FNBP1: variants seen among roughly 807,000 people sequenced by gnomAD.
FNBP1 encodes formin-binding protein 1.
In FNBP1, 26 loss-of-function variants were observed where a neutral mutation model predicts 90.6. That is an observed-to-expected ratio of 0.29 (90% CI 0.21 to 0.40). The LOEUF (loss-of-function observed/expected upper bound fraction) is 0.40, where lower values mean the gene tolerates loss of function less well. Among genes scored for constraint, FNBP1 ranks in the 10% least tolerant of loss-of-function variants. The pLI is 1.00. For missense variants in FNBP1, 635 were observed against 768.0 expected (o/e 0.83, Z 2.05); for synonymous variants, 260 against 265.2 (o/e 0.98, Z 0.19).
intron 6 of FNBP1, among the ~76,000 whole-genome samples, chr9:129,933,163 A>G (rs2042999548): frequency 6.6e-6 from 1 of 152,170 alleles, no homozygotes; most frequent in Non-Finnish European, 1.5e-5. Flanking sequence ...ATAACTTAAG[A>G]TCTCAAACAG....
intron 4 of FNBP1, among the ~76,000 whole-genome samples, chr9:129,976,876 A>G (rs180949022): frequency 1.3e-5 from 2 of 151,510 alleles, no homozygotes; most frequent in Admixed American, 1.3e-4. Flanking sequence ...CATTAAAAGA[A>G]CTGTTGTGGC....
At chr9:129,906,480 G>A (rs2038079989) in intron 12 of FNBP1, among the ~76,000 whole-genome samples, 1 of 152,078 alleles carries the variant, frequency 6.6e-6, no homozygotes, top group Non-Finnish European at 1.5e-5. Flanking sequence ...GTAATAGTGA[G>A]TCTTATGAGC....
chr9:129,946,014 A>G (rs2045223053), intron 6 of FNBP1, among the ~76,000 whole-genome samples: 1 of 152,090 alleles, frequency 6.6e-6, no homozygotes, highest in African/African-American at 2.4e-5. Flanking sequence ...CTAAAAATAC[A>G]AAAAATTAGC....
At chr9:129,934,312 A>G (rs1046143702) in intron 6 of FNBP1, among the ~76,000 whole-genome samples, 5 of 152,208 alleles carry the variant, frequency 3.3e-5, no homozygotes, top group African/African-American at 1.2e-4. Context: ...CAGGGCAGAA[A>G]GATGTACAGA....
At chr9:130,009,978 C>CA (rs68122821) in intron 1 of FNBP1, among the ~76,000 whole-genome samples, 3,031 of 69,560 alleles carry the variant, frequency 0.044, 92 homozygotes, top group African/African-American at 0.1. Context: ...GACCCAGTCT[C>CA]AAAAAAAAAA....
chr9:129,969,779 A>G (rs2049159864), intron 4 of FNBP1, among the ~76,000 whole-genome samples: 1 of 152,036 alleles, frequency 6.6e-6, no homozygotes, highest in Admixed American at 6.6e-5. Context: ...TTTAAATCTA[A>G]AAACAAAAAC....
At chr9:129,974,923 A>C (rs1285090406) in intron 4 of FNBP1, among the ~76,000 whole-genome samples, 1 of 151,934 alleles carries the variant, frequency 6.6e-6, no homozygotes, top group East Asian at 1.9e-4. Flanking sequence ...CATTATATTA[A>C]AATAGTACAA....
intron 1 of FNBP1, among the ~76,000 whole-genome samples, chr9:130,003,192 C>T (rs761895294): frequency 6.6e-6 from 1 of 152,014 alleles, no homozygotes; most frequent in Non-Finnish European, 1.5e-5. Flanking sequence ...GCACACGTGG[C>T]TCACACCTGT....
In FNBP1 at chr9:129,983,584, G is replaced by C. The variant is rs921007772; in HGVS notation, c.141-4210C>G. On this transcript the variant is annotated intron_variant, in intron 2 of 16. Transcript: ENST00000446176. ...GCCTGTAATCCCAGCACTTTGGGAGGCCGAGGCAGGTGGATCGGGAGTTCG... is the reference window on the plus strand; with the variant it reads ...GCCTGTAATCCCAGCACTTTGGGAGCCCGAGGCAGGTGGATCGGGAGTTCG... 5.9e-5 allele frequency among the ~76,000 whole-genome samples: 9 copies of C among 152,288 alleles called. 1 individual carries two copies. Among genetic ancestry groups the C allele is most frequent in the Admixed American group, 5.9e-4 (9 of 15,284 alleles).
At chr9:130,008,523 C>G (rs1322801207) in intron 1 of FNBP1, among the ~76,000 whole-genome samples, 1 of 152,130 alleles carries the variant, frequency 6.6e-6, no homozygotes, top group African/African-American at 2.4e-5. Flanking sequence ...TGCATCAACA[C>G]TGATGAAAGA....
At chr9:129,971,408 T>C (rs2133252904) in intron 4 of FNBP1, among the ~76,000 whole-genome samples, 1 of 152,286 alleles carries the variant, frequency 6.6e-6, no homozygotes, top group African/African-American at 2.4e-5. Context: ...TGTTTTTTTT[T>C]AAGACAGAGT....
chr9:129,999,551 T>TCC (rs2054521997), intron 1 of FNBP1, among the ~76,000 whole-genome samples: 1 of 150,408 alleles, frequency 6.6e-6, no homozygotes, highest in Non-Finnish European at 1.5e-5. Context: ...TGAGTGGAAA[T>TCC]CGCACCACTG....
At chr9:129,893,392 C>G (rs1167547122) in intron 16 of FNBP1, among the ~76,000 whole-genome samples, 2 of 147,286 alleles carry the variant, frequency 1.4e-5, no homozygotes, top group Non-Finnish European at 1.5e-5. Context: ...CACTTGAGCC[C>G]AAGAGTTTGA....
At chr9:129,963,454 G>C (rs537283656) in intron 4 of FNBP1, among the ~76,000 whole-genome samples, 1 of 151,880 alleles carries the variant, frequency 6.6e-6, no homozygotes, top group African/African-American at 2.4e-5. Context: ...TTTAAGGCAC[G>C]GTGTGCACCT....
At chr9:130,024,724 TC>T (rs2131999920) in intron 1 of FNBP1, among the ~76,000 whole-genome samples, 1 of 152,296 alleles carries the variant, frequency 6.6e-6, no homozygotes, top group Admixed American at 6.5e-5. Flanking sequence ...CATCGTATCA[TC>T]CTGTTTTTCA....
At chr9:129,952,973 G>C (rs908949926) in intron 6 of FNBP1, among the ~76,000 whole-genome samples, 2 of 152,142 alleles carry the variant, frequency 1.3e-5, no homozygotes, top group Non-Finnish European at 2.9e-5. Context: ...ATTTTTCTCA[G>C]AAAGTGTTAG....
chr9:129,965,708 G>GCA (rs5900877), intron 4 of FNBP1, among the ~76,000 whole-genome samples: 77,096 of 145,332 alleles, frequency 0.53, 20,903 homozygotes, highest in East Asian at 0.69. Context: ...GCGCGCGCGC[G>GCA]CACACACACA....
Position 129,929,615 on chromosome 9 carries a change from G to A in FNBP1, c.594C>T (p.Asn198=), listed in dbSNP as rs1373103213. The A allele has an allele frequency of 6.2e-7, 1 of 1,613,596 alleles. No individual in the cohort carries two copies. The highest frequency in any genetic ancestry group is 1.3e-5 in the African/African-American group (1 of 74,908). The change falls in exon 7 of 17, where the codon AAC becomes AAT. Residue 198 remains asparagine, a synonymous_variant. Transcript: ENST00000446176. ...ADYSSILQKF[N]HEQHEYYHTH... is the part of the protein sequence containing the mutation. ...TATGGTAATATTCATGCTGCTCATG[G>A]TTGAATTTCTGGAGAATGGATGAGT...
chr9:130,000,212 C>T (rs925909027), intron 1 of FNBP1, among the ~76,000 whole-genome samples: 1 of 152,172 alleles, frequency 6.6e-6, no homozygotes, highest in Non-Finnish European at 1.5e-5. Flanking sequence ...TTATCTCAGC[C>T]GGGCATGGTG....
Sources: allele counts gnomAD v4.1 joint callset (sites outside exome capture counted in the v4.1 genomes callset), GRCh38; gene constraint gnomAD v4.1.1; transcripts MANE v1.5; gene names NCBI Gene and HGNC (gene_info 2026-07-23, HGNC 2026-07-21).